CCDC148: variants seen among roughly 807,000 people sequenced by gnomAD.
CCDC148 encodes the protein coiled-coil domain containing 148, also known as coiled-coil domain-containing protein 148.
In CCDC148, 89 loss-of-function variants were observed where a neutral mutation model predicts 85.7. The observed-to-expected ratio is 1.04, with a 90% CI of 0.87 to 1.24. The LOEUF (loss-of-function observed/expected upper bound fraction) is 1.24. CCDC148 is among the 50% of genes most tolerant of loss of function. The pLI is 0.00. For synonymous variants in CCDC148, 230 were observed against 213.9 expected, an observed-to-expected ratio of 1.08 and a Z score of -0.66; for missense variants, 692 against 671.7, an observed-to-expected ratio of 1.03 and a Z score of -0.33.
chr2:158,269,524 C>G (rs1165436404), intron 9 of CCDC148, among the ~76,000 whole-genome samples: 1 of 152,120 alleles, frequency 6.6e-6, no homozygotes, highest in Non-Finnish European at 1.5e-5. Context: ...ATGTGTAAAC[C>G]TAGAAATGCA....
At chr2:158,393,260 A>T (rs1227061255) in intron 1 of CCDC148, 1 of 152,106 alleles carries the variant, frequency 6.6e-6, no homozygotes. Flanking sequence ...CAATAAAAAT[A>T]GGTCGAATGC....
intron 1 of CCDC148, among the ~76,000 whole-genome samples, chr2:158,385,418 C>T (rs1334650892): frequency 2.6e-5 from 4 of 152,192 alleles, no homozygotes; most frequent in South Asian, 2.1e-4. Flanking sequence ...TAAAACAGTA[C>T]GTAGCACATA....
chr2:158,202,287 G>A (rs1686008350), intron 11 of CCDC148, among the ~76,000 whole-genome samples: 1 of 152,152 alleles, frequency 6.6e-6, no homozygotes, highest in Admixed American at 6.5e-5. Flanking sequence ...AGTTTGCTCT[G>A]TTTTAGCAGA....
At chr2:158,289,804 A>G (rs1225609093) in intron 9 of CCDC148, among the ~76,000 whole-genome samples, 1 of 152,206 alleles carries the variant, frequency 6.6e-6, no homozygotes, top group Non-Finnish European at 1.5e-5. Context: ...AGTAGAGATA[A>G]CCCAAATGTC....
At chr2:158,239,719 T>C (rs1688267595) in intron 10 of CCDC148, among the ~76,000 whole-genome samples, 1 of 152,158 alleles carries the variant, frequency 6.6e-6, no homozygotes, top group Admixed American at 6.6e-5. Context: ...TTAAACCTCC[T>C]ATTCTACTTA....
intron 11 of CCDC148, among the ~76,000 whole-genome samples, chr2:158,196,367 T>C (rs1471686434): frequency 2.6e-5 from 4 of 152,138 alleles, no homozygotes; most frequent in African/African-American, 9.7e-5. Context: ...TAATTTGAAA[T>C]AGGCTATGGT....
intron 1 of CCDC148, among the ~76,000 whole-genome samples, chr2:158,362,281 A>T: frequency 6.6e-6 from 1 of 152,188 alleles, no homozygotes; most frequent in Non-Finnish European, 1.5e-5. Context: ...AAAATTAACA[A>T]GGATATTCAG....
chr2:158,387,347 A>G (rs1372146944), intron 1 of CCDC148, among the ~76,000 whole-genome samples: 3 of 151,124 alleles, frequency 2.0e-5, no homozygotes, highest in African/African-American at 4.9e-5. Context: ...TCCAACTGCA[A>G]TACAACAGTG....
intron 9 of CCDC148, among the ~76,000 whole-genome samples, chr2:158,281,537 T>C (rs193155464): frequency 0.019 from 2,831 of 152,102 alleles, 46 homozygotes; most frequent in Non-Finnish European, 0.025. Context: ...AAGAAATGGA[T>C]AAATTCCTCG....
chr2:158,192,195 A>T (rs1226119336), intron 11 of CCDC148, among the ~76,000 whole-genome samples: 1 of 152,060 alleles, frequency 6.6e-6, no homozygotes, highest in Non-Finnish European at 1.5e-5. Flanking sequence ...TCAAGTATGG[A>T]CAGAAATAAA....
chr2:158,283,541 G>T (rs4358078), intron 9 of CCDC148, among the ~76,000 whole-genome samples: 62,307 of 152,040 alleles, frequency 0.41, 13,367 homozygotes, highest in South Asian at 0.61. Flanking sequence ...ATCATCACTG[G>T]CCATCAGAGA....
intron 11 of CCDC148, among the ~76,000 whole-genome samples, chr2:158,183,780 C>T (rs1005881939): frequency 6.6e-6 from 1 of 152,112 alleles, no homozygotes; most frequent in Non-Finnish European, 1.5e-5. Flanking sequence ...TTTAAACAGG[C>T]ATGTGCTGGA....
At chr2:158,379,823 T>C (rs1246203922) in intron 1 of CCDC148, among the ~76,000 whole-genome samples, 2 of 152,180 alleles carry the variant, frequency 1.3e-5, no homozygotes, top group East Asian at 1.9e-4. Context: ...TAATAGACTA[T>C]AGTATACTGT....
chr2:158,344,025 A>G lies in CCDC148; in HGVS notation c.251+1190T>C, dbSNP rs563727965. Among the ~76,000 whole-genome samples the G allele has an allele frequency of 9.2e-4, 140 of 152,276 alleles. 4 individuals are homozygous for G. The South Asian group carries it at 0.015, about 16-fold the overall frequency. Reference sequence around the variant, plus strand: ...AACAACTTAATATACACATTAAGAAAGACGTGGAATAGCCAAGATTTAAAA... The same window carrying G: ...AACAACTTAATATACACATTAAGAAGGACGTGGAATAGCCAAGATTTAAAA... On this transcript the variant is annotated intron_variant, in intron 3 of 13. Coordinates refer to ENST00000283233, the MANE Select transcript of CCDC148 (RefSeq NM_138803.4).
chr2:158,301,647 G>A (rs904312115), intron 9 of CCDC148, among the ~76,000 whole-genome samples: 1 of 152,210 alleles, frequency 6.6e-6, no homozygotes, highest in Non-Finnish European at 1.5e-5. Context: ...GGCAGACAAT[G>A]GGAAATATAC....
At chr2:158,199,937 G>T (rs1351305897) in intron 11 of CCDC148, among the ~76,000 whole-genome samples, 1 of 152,148 alleles carries the variant, frequency 6.6e-6, no homozygotes, top group East Asian at 1.9e-4. Context: ...AAATGTTCAG[G>T]TGAAATGGCA....
At chr2:158,311,414 C>CGCGGCAGTACAGTCCAGCCTCG (rs2105211460) in intron 8 of CCDC148, among the ~76,000 whole-genome samples, 1 of 151,356 alleles carries the variant, frequency 6.6e-6, no homozygotes, top group African/African-American at 2.5e-5. Context: ...GAGCCGAGAT[C>CGCGGCAGTACAGTCCAGCCTCG]GCGGCAGTAC....
At chr2:158,455,447 A>G (rs941857344) in intron 1 of CCDC148, among the ~76,000 whole-genome samples, 3 of 152,206 alleles carry the variant, frequency 2.0e-5, no homozygotes, top group Non-Finnish European at 4.4e-5. Flanking sequence ...CATCTTTGTA[A>G]TCTTCAATTA....
At chr2:158,433,344 A>G (rs1687469482) in intron 1 of CCDC148, among the ~76,000 whole-genome samples, 1 of 151,280 alleles carries the variant, frequency 6.6e-6, no homozygotes, top group Non-Finnish European at 1.5e-5. Flanking sequence ...CTTTTGTCAT[A>G]AAGACACTGT....
Sources: gnomAD v4.1 joint callset for allele counts (sites outside exome capture counted in the v4.1 genomes callset) on GRCh38, gnomAD v4.1.1 for gene constraint, MANE v1.5 for transcripts, NCBI Gene and HGNC (gene_info 2026-07-23, HGNC 2026-07-21) for gene names.